FER1L5: variants seen among roughly 807,000 people sequenced by gnomAD.
FER1L5 encodes the protein fer-1 like family member 5.
Under a neutral mutation model 279.9 loss-of-function variants are expected in FER1L5, and 187 were observed. The ratio of observed to expected loss-of-function variants is 0.67; its 90% CI spans 0.59 to 0.75. The LOEUF (loss-of-function observed/expected upper bound fraction) is 0.75. Ranked by LOEUF, FER1L5 falls within the 30% of genes least tolerant of loss-of-function variation. The pLI, the probability that FER1L5 is intolerant of heterozygous loss-of-function variation, is 0.00. For missense variants in FER1L5, 2,091 were observed against 2,594.4 expected (o/e 0.81, Z 4.21); for synonymous variants, 921 against 989.7 (o/e 0.93, Z 1.30).
rs753982692 is a variant in FER1L5 at position 96,697,523 on chromosome 2, C to T, written c.4084-3C>T. On this transcript the variant is annotated splice_polypyrimidine_tract_variant and splice_region_variant and intron_variant, in intron 37 of 52. Coordinates refer to ENST00000624922, the MANE Select transcript of FER1L5 (RefSeq NM_001293083.2). Reference sequence around the variant, plus strand: ...TTCCCTTGCTCACCCTCTCCTTTTTCAGTTCCTAGGCTACCTCTACAGAAA... The same window carrying T: ...TTCCCTTGCTCACCCTCTCCTTTTTTAGTTCCTAGGCTACCTCTACAGAAA... The T allele has an allele frequency of 1.2e-6, 2 of 1,612,988 alleles. No homozygotes were observed. Among genetic ancestry groups the T allele is most frequent in the Admixed American group, 1.7e-5 (1 of 59,894 alleles).
intron 7 of FER1L5, 198 bp downstream of exon 7, chr2:96,652,218 G>A (rs1651519432): frequency 4.4e-6 from 3 of 679,932 alleles, no homozygotes; most frequent in Non-Finnish European, 7.2e-6. Flanking sequence ...GAGCTGGTGG[G>A]CTGGTGGGGG....
chr2:96,644,515 G>GA (rs933555491), intron 1 of FER1L5, among the ~76,000 whole-genome samples: 3 of 151,438 alleles, frequency 2.0e-5, no homozygotes, highest in African/African-American at 7.3e-5. Context: ...GAGAGAGAGA[G>GA]AAGTGTAGAG....
chr2:96,699,926 C>G lies in FER1L5; in HGVS notation c.4782-6C>G, dbSNP rs2077529489. On this transcript the variant is annotated splice_region_variant and splice_polypyrimidine_tract_variant and intron_variant, in intron 43 of 52. Coordinates refer to ENST00000624922, the MANE Select transcript of FER1L5 (RefSeq NM_001293083.2). Reference sequence around the variant, plus strand: ...TCCAGACCTCTTCCTCTCACATCCCCCACAGGTCAGGGCCCTTTAGATGGC... The same window carrying G: ...TCCAGACCTCTTCCTCTCACATCCCGCACAGGTCAGGGCCCTTTAGATGGC... The G allele has an allele frequency of 3.1e-6, 5 of 1,613,384 alleles. No individual in the cohort carries two copies. The highest frequency in any genetic ancestry group is 4.2e-6 in the Non-Finnish European group (5 of 1,179,650).
chr2:96,650,014 G>A (rs893163752), intron 5 of FER1L5, among the ~76,000 whole-genome samples, 166 bp from the exon 6 acceptor site: 6 of 152,206 alleles, frequency 3.9e-5, no homozygotes, highest in African/African-American at 1.4e-4. Flanking sequence ...GAGCATGAAG[G>A]GGCCCATGGT....
intron 34 of FER1L5, 178 bp from the exon 35 acceptor site, chr2:96,695,331 C>A: frequency 1.2e-6 from 1 of 810,202 alleles, no homozygotes; most frequent in Non-Finnish European, 1.8e-6. Context: ...TGATCCCTCA[C>A]AGGACGGGGA....
At chr2:96,653,798 G>A (rs1428364713) in intron 8 of FER1L5, 96 bp downstream of exon 8, 45 of 859,988 alleles carry the variant, frequency 5.2e-5, no homozygotes, top group South Asian at 1.2e-4. Flanking sequence ...TAGAGCCAGG[G>A]GCACTTCAGA....
chr2:96,703,809 CTTTTTTTTTTTTT>C (rs35497973), intron 51 of FER1L5, among the ~76,000 whole-genome samples, 177 bp downstream of exon 51: 2 of 89,482 alleles, frequency 2.2e-5, no homozygotes, highest in African/African-American at 8.4e-5. Context: ...CAAAAGTTGC[CTTTTTTTTTTTTT>C]TTTTTTTTTT....
chr2:96,686,873 A>C (rs977395154), intron 23 of FER1L5, among the ~76,000 whole-genome samples: 3 of 151,462 alleles, frequency 2.0e-5, no homozygotes, highest in Admixed American at 6.6e-5. Context: ...AAAAAAAAAA[A>C]AAAAAACAGA....
Position 96,694,080 on chromosome 2 carries a change from G to A in FER1L5, c.3636+8G>A, listed in dbSNP as rs1304137544. On this transcript the variant is annotated splice_region_variant and intron_variant, in intron 33 of 52. Transcript: ENST00000624922. This position sits in a 1 kb window ranked among gnomAD's most constrained non-coding sequence, Gnocchi z 4.6. ...CTGATCCTCCAGACTGAGGTATTGG[G>A]AGAGAGGGCCTGGCTGGGAAGTGTG... The A allele has an allele frequency of 6.5e-7, 1 of 1,538,074 alleles. No individual in the cohort carries two copies. Among genetic ancestry groups the A allele is most frequent in the African/African-American group, 1.4e-5 (1 of 73,028 alleles).
chr2:96,643,124 G>C (rs1348539494), intron 1 of FER1L5, among the ~76,000 whole-genome samples: 1 of 152,084 alleles, frequency 6.6e-6, no homozygotes, highest in Non-Finnish European at 1.5e-5. Flanking sequence ...CTAGGGAATG[G>C]CTATGGAAAA....
intron 31 of FER1L5, 26 bp from the exon 32 acceptor site, chr2:96,693,480 T>C: frequency 6.5e-7 from 1 of 1,540,970 alleles, no homozygotes; most frequent in Non-Finnish European, 8.8e-7. Flanking sequence ...CTCAAGACAC[T>C]GCTACCTTCT....
In FER1L5 at chr2:96,689,687, G is replaced by GA. The variant is rs2077066340; in HGVS notation, c.2570dup (p.Val858GlyfsTer3). 6.4e-7 allele frequency: 1 copy of GA among 1,550,988 alleles called. No individual in the cohort carries two copies. Among genetic ancestry groups the GA allele is most frequent in the Admixed American group, 2.0e-5 (1 of 50,970 alleles). ...CATCAACAAGAGCCAGGTGCTGGAGGAGGTATATGAGAACCAGGGCCGTGA... is the reference window on the plus strand; with the variant it reads ...CATCAACAAGAGCCAGGTGCTGGAGGAAGGTATATGAGAACCAGGGCCGTGA... On this transcript the variant is annotated frameshift_variant, in exon 26 of 53. Coordinates refer to ENST00000624922, the MANE Select transcript of FER1L5 (RefSeq NM_001293083.2). LOFTEE classifies it high-confidence loss of function. The surrounding 1 kb of genome is among the most constrained non-coding windows in gnomAD (Gnocchi z 4.6).
At chr2:96,655,692 A>G (rs541246027) in intron 9 of FER1L5, among the ~76,000 whole-genome samples, 3 of 152,302 alleles carry the variant, frequency 2.0e-5, no homozygotes, top group Admixed American at 2.0e-4. Flanking sequence ...GAGGTCAGAG[A>G]AAACCTGAGT....
intron 1 of FER1L5, among the ~76,000 whole-genome samples, chr2:96,643,717 G>A (rs528945237): frequency 6.6e-6 from 1 of 150,722 alleles, no homozygotes; most frequent in Admixed American, 6.6e-5. Flanking sequence ...AATGAAGCAA[G>A]TTTTATTATC....
intron 19 of FER1L5, among the ~76,000 whole-genome samples, chr2:96,681,333 T>C (rs1487578843): frequency 6.6e-6 from 1 of 151,992 alleles, no homozygotes; most frequent in Non-Finnish European, 1.5e-5. Flanking sequence ...GGTGACAGAG[T>C]GAGACCGTGT....
At chr2:96,653,611 C>T in intron 7 of FER1L5, 29 bp from the exon 8 acceptor site, 1 of 1,524,870 alleles carries the variant, frequency 6.6e-7, no homozygotes, top group Non-Finnish European at 8.9e-7. Context: ...AAGAAATCAT[C>T]CACTCTACCC....
At chr2:96,684,841 G>A (rs540207957) in intron 20 of FER1L5, among the ~76,000 whole-genome samples, 24 of 152,270 alleles carry the variant, frequency 1.6e-4, no homozygotes, top group African/African-American at 4.8e-4. Context: ...ATAGGATTTT[G>A]TTGGGGGCTG....
rs1036973734 is a variant in FER1L5, at chr2:96,687,722, G to C, written c.2230-94G>C. The C allele has an allele frequency of 1.7e-4, 236 of 1,415,504 alleles. 1 individual carries two copies. Among genetic ancestry groups the C allele is most frequent in the Non-Finnish European group, 6.9e-5 (73 of 1,054,680 alleles). The allele number at this position is 1,415,504 out of a possible 1,614,324, so 87.7% of individuals were successfully genotyped here. A position where few individuals can be genotyped will look rare whatever the true frequency, so the allele number is the denominator to read the frequency against. On this transcript the variant is annotated intron_variant, in intron 23 of 52. Transcript: ENST00000624922. ...TGAGGGCCCCGCTCCCAGGGCTCAG[G>C]GGGGAAGGGGCAGGTACAGCCCACT...
chr2:96,649,156 T>TG (rs1367035280), intron 4 of FER1L5, among the ~76,000 whole-genome samples: 5 of 152,032 alleles, frequency 3.3e-5, no homozygotes, highest in African/African-American at 1.2e-4. Context: ...TTTAGACACT[T>TG]GGGGTGTTCA....
Sources: gnomAD v4.1 joint callset for allele counts (sites outside exome capture counted in the v4.1 genomes callset) on GRCh38, gnomAD v4.1.1 for gene constraint, Gnocchi (gnomAD v3.1) non-coding constraint, MANE v1.5 for transcripts, NCBI Gene and HGNC (gene_info 2026-07-23, HGNC 2026-07-21) for gene names.